Variants in GAN observed in about 807,000 individuals in gnomAD.
GAN encodes gigaxonin, also known as epididymis secretory sperm binding protein.
GAN carries 48 observed loss-of-function variants against 71.3 expected under a neutral mutation model. The observed-to-expected ratio is 0.67, with a 90% confidence interval of 0.53 to 0.86. The LOEUF is 0.86. Among genes scored for constraint, GAN ranks in the 40% least tolerant of loss-of-function variants. The probability of loss-of-function intolerance (pLI) is 0.00; values close to 1 mark genes in which losing one functional copy is unlikely to be tolerated. For missense variants in GAN, 928 were observed against 770.1 expected (o/e 1.21, Z -2.43); for synonymous variants, 386 against 276.8 (o/e 1.39, Z -3.92).
intron 1 of GAN, among the ~76,000 whole-genome samples, chr16:81,350,062 AGTTT>A (rs909406913): frequency 7.2e-5 from 11 of 152,096 alleles, no homozygotes; most frequent in African/African-American, 2.2e-4. Context: ...ATTCTTCATC[AGTTT>A]GTTTAAGAAG....
chr16:81,369,565 G>A (rs2608558), intron 9 of GAN, among the ~76,000 whole-genome samples: 139,061 of 152,304 alleles, frequency 0.91, 63,648 homozygotes, highest in African/African-American at 0.98. Context: ...TAGCTTCTTT[G>A]GGTAGAATTC....
intron 1 of GAN, among the ~76,000 whole-genome samples, chr16:81,315,759 C>T (rs1909016867): frequency 6.6e-6 from 1 of 152,266 alleles, no homozygotes; most frequent in Admixed American, 6.5e-5. Context: ...CGCGCGGGGG[C>T]TGGGCCGGCG....
chr16:81,332,342 A>C (rs1443026515), intron 1 of GAN, among the ~76,000 whole-genome samples: 2 of 152,134 alleles, frequency 1.3e-5, no homozygotes, highest in Non-Finnish European at 2.9e-5. Flanking sequence ...GGGCTTGTGG[A>C]AAAGTTAGTT....
intron 1 of GAN, among the ~76,000 whole-genome samples, chr16:81,350,371 A>C (rs1910259190): frequency 6.6e-6 from 1 of 152,212 alleles, no homozygotes; most frequent in Non-Finnish European, 1.5e-5. Flanking sequence ...AATGTTGTAG[A>C]GTTTATGAAT....
In GAN at chr16:81,362,597, C is replaced by A; in HGVS notation, c.1072C>A (p.Pro358Thr). Residue 358 changes from proline to threonine, a missense_variant, in exon 6 of 11, where the codon CCA (proline) becomes ACA (threonine). Pro to Thr is a conservative substitution (Grantham distance 38). Transcript: ENST00000648994. Reference protein sequence around the residue: ...DPDANTWTALPPMNEARHNFG... With the variant: ...DPDANTWTALTPMNEARHNFG... ...AGATGCAAATACATGGACAGCATTG[C>A]CACCTATGAACGAGGTAAAACACTA... 1 of 1,538,512 alleles carries A rather than the reference C, an allele frequency of 6.5e-7. No individual in the cohort carries two copies. The highest frequency in any genetic ancestry group is 9.0e-7 in the Non-Finnish European group (1 of 1,110,850).
chr16:81,330,554 G>C (rs1024942162), intron 1 of GAN, among the ~76,000 whole-genome samples: 2 of 152,250 alleles, frequency 1.3e-5, no homozygotes, highest in African/African-American at 4.8e-5. Flanking sequence ...CTAATAAATG[G>C]AGGAGAGGAG....
chr16:81,365,105 G>C lies in GAN; in HGVS notation c.1368G>C (p.Glu456Asp), dbSNP rs1034754708. ...QQWTAICPLK[E>D]RRFGAVACGV... Reference sequence around the variant, plus strand: ...GGACTGCCATATGTCCACTAAAAGAGAGGAGGTACGTGGCTGTGGGGTGGA... The same window carrying C: ...GGACTGCCATATGTCCACTAAAAGACAGGAGGTACGTGGCTGTGGGGTGGA... Residue 456 changes from glutamate to aspartate, a missense_variant, in exon 8 of 11, where the codon GAG (glutamate) becomes GAC (aspartate). Physicochemically the swap from Glu to Asp is conservative, Grantham distance 45. Coordinates refer to ENST00000648994, the MANE Select transcript of GAN (RefSeq NM_022041.4). 4.3e-6 allele frequency: 7 copies of C among 1,613,730 alleles called. No individual in the cohort carries two copies. The African/African-American group carries it at 9.3e-5, about 22-fold the overall frequency.
chr16:81,358,415 T>C (rs2150687920), intron 5 of GAN, among the ~76,000 whole-genome samples: 1 of 152,240 alleles, frequency 6.6e-6, no homozygotes, highest in Admixed American at 6.5e-5. Flanking sequence ...AAGACCAGCC[T>C]GGACAATGTA....
intron 1 of GAN, among the ~76,000 whole-genome samples, chr16:81,331,202 A>C (rs533947379): frequency 2.6e-5 from 4 of 152,326 alleles, no homozygotes; most frequent in African/African-American, 9.6e-5. Context: ...CCATGTCTCA[A>C]AAAAAGAAAA....
At chr16:81,329,468 T>G (rs898316877) in intron 1 of GAN, among the ~76,000 whole-genome samples, 1 of 152,208 alleles carries the variant, frequency 6.6e-6, no homozygotes, top group Non-Finnish European at 1.5e-5. Flanking sequence ...GCAACCAGGC[T>G]TCTTGAAAGA....
intron 1 of GAN, among the ~76,000 whole-genome samples, chr16:81,332,539 A>G (rs1485445645): frequency 6.6e-6 from 1 of 152,200 alleles, no homozygotes; most frequent in Non-Finnish European, 1.5e-5. Context: ...TATGCCTGCA[A>G]GTGCTCAGCC....
chr16:81,357,679 C>G, intron 4 of GAN, 131 bp from the exon 5 acceptor site: 1 of 860,000 alleles, frequency 1.2e-6, no homozygotes, highest in Non-Finnish European at 1.9e-6. Context: ...GAGGAATCGT[C>G]ACACTGACTT....
chr16:81,331,266 A>G (rs1909567704), intron 1 of GAN, among the ~76,000 whole-genome samples: 1 of 152,212 alleles, frequency 6.6e-6, no homozygotes, highest in African/African-American at 2.4e-5. Flanking sequence ...AGTGCACATC[A>G]AAGTGCTAAG....
chr16:81,325,273 C>T (rs1261427421), intron 1 of GAN, among the ~76,000 whole-genome samples: 4 of 152,084 alleles, frequency 2.6e-5, no homozygotes, highest in Non-Finnish European at 5.9e-5. Context: ...GTAGGAATTG[C>T]GAGGGGAAGA....
At chr16:81,354,102 T>C (rs1910401551) in intron 2 of GAN, among the ~76,000 whole-genome samples, 1 of 152,212 alleles carries the variant, frequency 6.6e-6, no homozygotes, top group African/African-American at 2.4e-5. Flanking sequence ...TTAAGGTTTT[T>C]CTCTGAATTA....
At chr16:81,326,106 A>G (rs1909377227) in intron 1 of GAN, among the ~76,000 whole-genome samples, 1 of 152,202 alleles carries the variant, frequency 6.6e-6, no homozygotes, top group Admixed American at 6.5e-5. Context: ...GGAGTGCATC[A>G]TCGCCTCATT....
At chr16:81,346,190 A>G (rs997301249) in intron 1 of GAN, among the ~76,000 whole-genome samples, 1 of 152,222 alleles carries the variant, frequency 6.6e-6, no homozygotes, top group African/African-American at 2.4e-5. Flanking sequence ...TAATATAAAG[A>G]ATTATTAACT....
chr16:81,318,561 A>G (rs1167798466), intron 1 of GAN, among the ~76,000 whole-genome samples: 1 of 152,228 alleles, frequency 6.6e-6, no homozygotes, highest in East Asian at 1.9e-4. Flanking sequence ...TATGTGCCCA[A>G]CAAAGGAAGC....
rs1910278287 is a variant in GAN at position 81,350,877 on chromosome 16, G to T, written c.168-706G>T. ...ATGCAATAATAGTCATAGCATCACA[G>T]TTTGCAATATCGAAAACCTGGAGAC... On this transcript the variant is annotated intron_variant, in intron 1 of 10. Transcript: ENST00000648994. Among the ~76,000 whole-genome samples, 12 of 152,266 alleles carry T rather than the reference G, an allele frequency of 7.9e-5. No homozygotes were observed. In the South Asian group the frequency reaches 2.5e-3, roughly 32 times the overall value.
Sources: allele counts gnomAD v4.1 joint callset (sites outside exome capture counted in the v4.1 genomes callset), GRCh38; gene constraint gnomAD v4.1.1; transcripts MANE v1.5; gene names NCBI Gene and HGNC (gene_info 2026-07-23, HGNC 2026-07-21).